Variants in PLEKHA2 observed in about 807,000 individuals in gnomAD.
PLEKHA2 encodes the protein pleckstrin homology domain-containing family A member 2.
PLEKHA2 carries 28 observed loss-of-function variants against 53.2 expected under a neutral mutation model. The observed-to-expected ratio is 0.53, with a 90% CI of 0.39 to 0.72. The LOEUF (loss-of-function observed/expected upper bound fraction) is 0.72, where lower values mean the gene tolerates loss of function less well. Ranked by LOEUF, PLEKHA2 falls within the 30% of genes least tolerant of loss-of-function variation. PLEKHA2 has a pLI of 0.00. For synonymous variants in PLEKHA2, 193 were observed against 196.4 expected (o/e 0.98, Z 0.14); for missense variants, 426 against 537.9 (o/e 0.79, Z 2.06).
chr8:38,943,945 G>A (rs370336355), intron 4 of PLEKHA2, 108 bp downstream of exon 4: 2 of 851,870 alleles, frequency 2.3e-6, no homozygotes, highest in Middle Eastern at 2.3e-4. Flanking sequence ...GTGAGTATGA[G>A]TGACTTAAAT....
At chr8:38,941,631 C>T (rs760076386) in intron 3 of PLEKHA2, among the ~76,000 whole-genome samples, 1 of 152,152 alleles carries the variant, frequency 6.6e-6, no homozygotes, top group African/African-American at 2.4e-5. Context: ...AGGTGGGACA[C>T]TGCCTGTGTT....
intron 2 of PLEKHA2, among the ~76,000 whole-genome samples, chr8:38,933,601 C>T (rs950038563): frequency 6.6e-6 from 1 of 151,610 alleles, no homozygotes; most frequent in African/African-American, 2.4e-5. Flanking sequence ...TCCCTGGAGC[C>T]CGTTGGTCTC....
rs1222485440 is a variant in PLEKHA2, at chr8:38,922,395, A to AGAC, written c.141+4326_141+4327insACG. On this transcript the variant is annotated intron_variant, in intron 2 of 11. Coordinates refer to ENST00000617275, the MANE Select transcript of PLEKHA2 (RefSeq NM_021623.2). This position sits in a 1 kb window ranked among gnomAD's most constrained non-coding sequence, Gnocchi z 4.0. ...AGGGCCAGGGAAGGAAGTGGTCAGA[A>AGAC]GTCAGGTCACTGGGGAATGTGGAGT... is the stretch of plus-strand genomic sequence containing the variant. Among the ~76,000 whole-genome samples the AGAC allele has an allele frequency of 6.6e-6, 1 of 152,188 alleles. No homozygotes were observed. Among genetic ancestry groups the AGAC allele is most frequent in the African/African-American group, 2.4e-5 (1 of 41,448 alleles).
intron 2 of PLEKHA2, among the ~76,000 whole-genome samples, chr8:38,928,791 G>A (rs1433479152): frequency 6.6e-6 from 1 of 152,214 alleles, no homozygotes; most frequent in Middle Eastern, 3.2e-3. Context: ...ACTGGAGAAT[G>A]GGGAGAGTAG....
At chr8:38,923,306 T>TAGGCA (rs1226655307) in intron 2 of PLEKHA2, among the ~76,000 whole-genome samples, 1 of 152,238 alleles carries the variant, frequency 6.6e-6, no homozygotes. Context: ...ATTTACATCT[T>TAGGCA]AGGCAAGTCA....
intron 2 of PLEKHA2, among the ~76,000 whole-genome samples, chr8:38,918,760 C>T (rs1834126866): frequency 6.6e-6 from 1 of 151,956 alleles, no homozygotes. Context: ...ACCATACACA[C>T]ACATGCACAC....
chr8:38,949,647 A>G (rs1834788610), intron 5 of PLEKHA2, among the ~76,000 whole-genome samples: 1 of 152,252 alleles, frequency 6.6e-6, no homozygotes, highest in Non-Finnish European at 1.5e-5. Flanking sequence ...GGAAGAGCAA[A>G]GATAGCTCAT....
chr8:38,955,783 A>G (rs962283313), intron 9 of PLEKHA2, among the ~76,000 whole-genome samples: 3 of 152,170 alleles, frequency 2.0e-5, no homozygotes, highest in African/African-American at 7.2e-5. Flanking sequence ...ATAACACACA[A>G]TCTAACATCT....
At chr8:38,927,379 G>T (rs954397445) in intron 2 of PLEKHA2, among the ~76,000 whole-genome samples, 3 of 152,092 alleles carry the variant, frequency 2.0e-5, no homozygotes, top group African/African-American at 7.2e-5. Flanking sequence ...GGTGGCATAT[G>T]TCTGTAGTCC....
chr8:38,947,317 G>A (rs1187122489), intron 5 of PLEKHA2, among the ~76,000 whole-genome samples: 1 of 152,172 alleles, frequency 6.6e-6, no homozygotes, highest in East Asian at 1.9e-4. Context: ...GGGCGTGGTG[G>A]CACACGCCTG....
chr8:38,936,018 G>C lies in PLEKHA2; in HGVS notation c.166G>C (p.Val56Leu), dbSNP rs773620069. 2 of 1,613,666 alleles carry C rather than the reference G, an allele frequency of 1.2e-6. No homozygotes were observed. Among genetic ancestry groups the C allele is most frequent in the Non-Finnish European group, 1.7e-6 (2 of 1,179,614 alleles). The change falls in exon 3 of 12, where the codon GTT (valine) becomes CTT (leucine). Residue 56 changes from valine to leucine, a missense_variant. Transcript: ENST00000617275. ...GAATCTGGCAATGGGGGCAGGAGCT[G>C]TTGGAGCTTTGCAGCTGACCTACAT... ...PQNLAMGAGA[V>L]GALQLTYISK...
intron 2 of PLEKHA2, among the ~76,000 whole-genome samples, chr8:38,931,729 A>G (rs1373516722): frequency 2.0e-5 from 3 of 152,202 alleles, no homozygotes; most frequent in African/African-American, 7.2e-5. Context: ...TCCCCTCTGT[A>G]AAGCAGTAAG....
chr8:38,957,235 TG>T, intron 9 of PLEKHA2, 87 bp from the exon 10 acceptor site: 2 of 1,038,000 alleles, frequency 1.9e-6, no homozygotes, highest in Non-Finnish European at 2.9e-6. Context: ...TCCTTTTTTA[TG>T]GTAGAGGGCA....
intron 2 of PLEKHA2, among the ~76,000 whole-genome samples, chr8:38,930,765 GGT>G (rs1324003848): frequency 6.6e-6 from 1 of 152,116 alleles, no homozygotes; most frequent in Non-Finnish European, 1.5e-5. Flanking sequence ...CAGCAGCCAG[GGT>G]GACTCTGTGG....
chr8:38,906,457 C>T (rs1588230733), intron 1 of PLEKHA2, among the ~76,000 whole-genome samples: 2 of 152,252 alleles, frequency 1.3e-5, no homozygotes, highest in African/African-American at 2.4e-5. Context: ...ATCTCTTGCT[C>T]TCTACTCCAA....
intron 3 of PLEKHA2, among the ~76,000 whole-genome samples, chr8:38,939,959 G>GT (rs1462429297): frequency 6.6e-6 from 1 of 152,044 alleles, no homozygotes; most frequent in African/African-American, 2.4e-5. Flanking sequence ...GCTGAGCATG[G>GT]TGGTGAGTGT....
chr8:38,959,944 T>G (rs1266714051), intron 10 of PLEKHA2, among the ~76,000 whole-genome samples: 1 of 152,216 alleles, frequency 6.6e-6, no homozygotes, highest in Non-Finnish European at 1.5e-5. Context: ...AGATGTGCTA[T>G]GAAGACCATT....
At chr8:38,966,792 A>G (rs192944340) in intron 10 of PLEKHA2, among the ~76,000 whole-genome samples, 1 of 149,866 alleles carries the variant, frequency 6.7e-6, no homozygotes, top group Admixed American at 6.6e-5. Flanking sequence ...CAAAGTCACA[A>G]CTCTTTTTTT....
At position 38,970,173 on chromosome 8, in the gene PLEKHA2, G is replaced by A. The variant is rs948076952; in HGVS notation, c.*390G>A. The A allele has an allele frequency of 9.2e-6, 4 of 432,802 alleles. No homozygotes were observed. The highest frequency in any genetic ancestry group is 1.6e-5 in the Non-Finnish European group (4 of 249,896). 26.8% of individuals were successfully genotyped at this position (432,802 alleles called of 1,614,324 possible). ...GACCAAGTTTTATTTCCTTGTCCTT[G>A]TTTTAGTTTTTTCATTTTGTTTTCA... On this transcript the variant is annotated 3_prime_UTR_variant, in exon 12 of 12. Coordinates refer to ENST00000617275, the MANE Select transcript of PLEKHA2 (RefSeq NM_021623.2).
Sources: gnomAD v4.1 joint callset for allele counts (sites outside exome capture counted in the v4.1 genomes callset) on GRCh38, gnomAD v4.1.1 for gene constraint, Gnocchi (gnomAD v3.1) non-coding constraint, MANE v1.5 for transcripts, NCBI Gene and HGNC (gene_info 2026-07-23, HGNC 2026-07-21) for gene names.